Variants in KLHL7 observed in about 807,000 individuals in gnomAD.
KLHL7 encodes kelch like family member 7.
KLHL7 carries 44 observed loss-of-function variants against 67.4 expected under a neutral mutation model. That is an observed-to-expected ratio of 0.65 (90% CI 0.51 to 0.84). The LOEUF (loss-of-function observed/expected upper bound fraction) is 0.84. Ranked by LOEUF, KLHL7 falls within the 40% of genes least tolerant of loss-of-function variation. The pLI, the probability that KLHL7 is intolerant of heterozygous loss-of-function variation, is 0.00. For synonymous variants in KLHL7, 252 were observed against 243.3 expected, an observed-to-expected ratio of 1.04 and a Z score of -0.33; for missense variants, 362 against 718.1, an observed-to-expected ratio of 0.50 and a Z score of 5.67.
chr7:23,108,616 A>C (rs889896054), intron 1 of KLHL7, among the ~76,000 whole-genome samples: 25 of 152,188 alleles, frequency 1.6e-4, no homozygotes, highest in African/African-American at 6.0e-4. Context: ...GTTAGAGCAG[A>C]AGCAACCATT....
intron 4 of KLHL7, among the ~76,000 whole-genome samples, chr7:23,127,377 C>T (rs1034801140): frequency 1.3e-5 from 2 of 152,166 alleles, no homozygotes; most frequent in African/African-American, 4.8e-5. Flanking sequence ...AGCCCCGCCA[C>T]CTAGAAAGTA....
chr7:23,112,762 A>G (rs779236479), intron 1 of KLHL7, among the ~76,000 whole-genome samples: 34 of 152,230 alleles, frequency 2.2e-4, no homozygotes, highest in Admixed American at 9.2e-4. Context: ...ACAAATGGGA[A>G]TCAGATTAAT....
chr7:23,106,265 C>T (rs907287598), intron 1 of KLHL7, 119 bp downstream of exon 1: 485 of 1,531,672 alleles, frequency 3.2e-4, no homozygotes, highest in Non-Finnish European at 4.0e-4. Context: ...TGTCCTCGCC[C>T]CTCCTTCCGT....
intron 1 of KLHL7, among the ~76,000 whole-genome samples, chr7:23,116,794 A>G (rs1783108230): frequency 6.6e-6 from 1 of 152,164 alleles, no homozygotes; most frequent in South Asian, 2.1e-4. Context: ...ACTTACTTTA[A>G]TGTGATCTAG....
chr7:23,106,348 C>CT lies in KLHL7; in HGVS notation c.120+203dup, dbSNP rs1782638570. ...ATTCTCGAGCAAAAGTGCTTCTCGTCTGCCGAGGATGTAGCTCCCAAGTCA... is the reference window on the plus strand; with the variant it reads ...ATTCTCGAGCAAAAGTGCTTCTCGTCTTGCCGAGGATGTAGCTCCCAAGTCA... On this transcript the variant is annotated intron_variant, in intron 1 of 10. Transcript: ENST00000339077. 2.8e-6 allele frequency: 4 copies of CT among 1,422,354 alleles called. No individual in the cohort carries two copies. In the East Asian group the frequency reaches 1.1e-4, roughly 38 times the overall value. The allele number at this position is 1,422,354 out of a possible 1,614,324, so 88.1% of individuals were successfully genotyped here.
chr7:23,168,209 C>T, intron 9 of KLHL7, 172 bp downstream of exon 9: 3 of 631,700 alleles, frequency 4.7e-6, no homozygotes, highest in East Asian at 5.6e-5. Context: ...GGACCTTTCC[C>T]TTACACCAGA....
chr7:23,125,667 A>G, intron 4 of KLHL7: 1 of 1,375,276 alleles, frequency 7.3e-7, no homozygotes, highest in South Asian at 1.8e-5. Flanking sequence ...TTATACTAGA[A>G]AACATAACCT....
rs144591395 is a variant in KLHL7 at position 23,159,592 on chromosome 7, C to T, written c.937-6106C>T. ...TGTTGCCCAGGCTGGAGTACAGTGG[C>T]GTGATCTCGGTTCACTGCAGCCTCA... is the stretch of plus-strand genomic sequence containing the variant. On this transcript the variant is annotated intron_variant, in intron 7 of 10. Transcript: ENST00000339077. Among the ~76,000 whole-genome samples, 555 of 152,182 alleles carry T rather than the reference C, an allele frequency of 3.6e-3. 2 individuals carry two copies. The highest frequency in any genetic ancestry group is 0.012 in the African/African-American group (498 of 41,514).
chr7:23,138,671 G>A (rs1784072495), intron 4 of KLHL7, among the ~76,000 whole-genome samples: 1 of 151,740 alleles, frequency 6.6e-6, no homozygotes, highest in Non-Finnish European at 1.5e-5. Flanking sequence ...CTGAGTAGCT[G>A]GGATTATAGA....
intron 1 of KLHL7, 70 bp downstream of exon 1, chr7:23,106,216 G>A: frequency 1.3e-6 from 2 of 1,574,944 alleles, no homozygotes; most frequent in Non-Finnish European, 1.7e-6. Flanking sequence ...GGTTCCCGGG[G>A]TGGAACCCCG....
intron 4 of KLHL7, among the ~76,000 whole-genome samples, chr7:23,126,748 C>G (rs1379648611): frequency 6.6e-6 from 1 of 152,080 alleles, no homozygotes; most frequent in Non-Finnish European, 1.5e-5. Context: ...GAATAAATTT[C>G]AGGAGGAAGT....
At chr7:23,129,402 G>T in intron 4 of KLHL7, 1 of 386,954 alleles carries the variant, frequency 2.6e-6, no homozygotes, top group Non-Finnish European at 5.2e-6. Flanking sequence ...GACTCGGCTG[G>T]CCCTTCATGA....
Position 23,125,323 on chromosome 7 carries a change from G to A in KLHL7, c.442+151G>A, listed in dbSNP as rs572241361. The A allele has an allele frequency of 5.7e-4, 414 of 722,766 alleles. 2 individuals are homozygous for A. In the African/African-American group the frequency reaches 6.3e-3, roughly 11 times the overall value. 44.8% of individuals were successfully genotyped at this position (722,766 alleles called of 1,614,324 possible). A position where few individuals can be genotyped will look rare whatever the true frequency, so the allele number is the denominator to read the frequency against. ...TTTCTAGTAATAAAATTTAAGAGGG[G>A]CTTAGAGAGATGCATATTAACCTGG... is the stretch of plus-strand genomic sequence containing the variant. On this transcript the variant is annotated intron_variant, in intron 4 of 10. Coordinates refer to ENST00000339077, the MANE Select transcript of KLHL7 (RefSeq NM_001031710.3).
chr7:23,164,997 A>G (rs911364619), intron 7 of KLHL7, among the ~76,000 whole-genome samples: 8 of 152,252 alleles, frequency 5.3e-5, no homozygotes, highest in African/African-American at 1.7e-4. Context: ...GGGCGGCACA[A>G]GCATTCTTCG....
At chr7:23,108,539 C>A (rs1448249256) in intron 1 of KLHL7, among the ~76,000 whole-genome samples, 1 of 152,158 alleles carries the variant, frequency 6.6e-6, no homozygotes, top group Non-Finnish European at 1.5e-5. Context: ...CAGAGGTCCC[C>A]CCTTATGCCC....
rs183614965 is a variant in KLHL7, at chr7:23,124,847, G to A, written c.317+66G>A. On this transcript the variant is annotated intron_variant, in intron 3 of 10. Coordinates refer to ENST00000339077, the MANE Select transcript of KLHL7 (RefSeq NM_001031710.3). ...GTATCTACCATGGCAAAGCATTGTC[G>A]TAACAAATAGTTGCACTACAAATTC... 350 of 1,195,412 alleles carry A rather than the reference G, an allele frequency of 2.9e-4. 2 individuals are homozygous for A. The African/African-American group carries it at 4.5e-3, about 15-fold the overall frequency. 74.1% of individuals were successfully genotyped at this position (1,195,412 alleles called of 1,614,324 possible).
chr7:23,119,694 A>G (rs1783249654), intron 1 of KLHL7, among the ~76,000 whole-genome samples: 1 of 152,338 alleles, frequency 6.6e-6, no homozygotes, highest in Admixed American at 6.5e-5. Flanking sequence ...TCTTTGTCAT[A>G]TATCAAATTG....
Position 23,152,096 on chromosome 7 carries a change from G to T in KLHL7, c.823G>T (p.Glu275Ter). 6.2e-7 allele frequency: 1 copy of T among 1,613,936 alleles called. No homozygotes were observed. The highest frequency in any genetic ancestry group is 8.5e-7 in the Non-Finnish European group (1 of 1,179,838). ...AATGAGGTACCATCTACTGTCTCCA[G>T]AGGACCGAGAAGAACTTGTAGATGG... ...SGMRYHLLSP[E>*]DREELVDGTR... Residue 275 changes from glutamate to a stop codon, truncating the protein, a stop_gained, in exon 7 of 11, where the codon GAG (glutamate) becomes TAG (stop). Coordinates refer to ENST00000339077, the MANE Select transcript of KLHL7 (RefSeq NM_001031710.3). LOFTEE classifies it high-confidence loss of function.
At chr7:23,115,736 G>T (rs1436086378) in intron 1 of KLHL7, among the ~76,000 whole-genome samples, 1 of 151,868 alleles carries the variant, frequency 6.6e-6, no homozygotes, top group East Asian at 1.9e-4. Flanking sequence ...GTAGAGACGG[G>T]GTTTTACCAT....
Sources: gnomAD v4.1 joint callset for allele counts (sites outside exome capture counted in the v4.1 genomes callset) on GRCh38, gnomAD v4.1.1 for gene constraint, MANE v1.5 for transcripts, NCBI Gene and HGNC (gene_info 2026-07-23, HGNC 2026-07-21) for gene names.